The following LOC400499 variants were observed in gnomAD, a reference collection of about 807,000 sequenced individuals.
the LOC400499 span, chr16:11,387,418 G>T: frequency 1.4e-6 from 1 of 737,694 alleles, no homozygotes; most frequent in Non-Finnish European, 1.9e-6. Context: ...GTGCCTTTCA[G>T]GGAGGGGCTG....
chr16:11,501,246 C>G, the LOC400499 span, among the ~76,000 whole-genome samples: 475 of 152,202 alleles, frequency 3.1e-3, 2 homozygotes, highest in African/African-American at 0.011. Flanking sequence ...CTGAAACCCA[C>G]CCAAGCAAAT....
chr16:11,391,848 C>A, the LOC400499 span: 4 of 1,230,690 alleles, frequency 3.3e-6, no homozygotes, highest in Non-Finnish European at 4.1e-6. Context: ...GTCCAGGGTG[C>A]CTGCCGGCTG....
the LOC400499 span, among the ~76,000 whole-genome samples, chr16:11,485,346 A>C: frequency 1.3e-5 from 2 of 151,800 alleles, no homozygotes; most frequent in African/African-American, 4.8e-5. Flanking sequence ...CCCTCCCTGA[A>C]CTCCCATGTC....
At chr16:11,437,596 A>C in the LOC400499 span, among the ~76,000 whole-genome samples, 30 of 152,256 alleles carry the variant, frequency 2.0e-4, 1 homozygote, top group South Asian at 6.2e-3. Flanking sequence ...AGCTGGGCAC[A>C]GCAGCTCACA....
At chr16:11,523,350 TG>T in the LOC400499 span, 1 of 398,474 alleles carries the variant, frequency 2.5e-6, no homozygotes, top group Non-Finnish European at 4.4e-6. Context: ...TCACTCCCAT[TG>T]GGCCCTGTAC....
At chr16:11,484,299 G>A in the LOC400499 span, among the ~76,000 whole-genome samples, 16 of 152,152 alleles carry the variant, frequency 1.1e-4, no homozygotes, top group African/African-American at 1.4e-4. Flanking sequence ...GAGCCACTAC[G>A]CCCGGCCGCA....
the LOC400499 span, among the ~76,000 whole-genome samples, chr16:11,406,606 AT>A: frequency 6.6e-6 from 1 of 152,136 alleles, no homozygotes; most frequent in Non-Finnish European, 1.5e-5. Flanking sequence ...CTAATTCCAT[AT>A]TTTTAGTAGA....
chr16:11,391,699 C>A, the LOC400499 span: 15 of 1,232,102 alleles, frequency 1.2e-5, no homozygotes, highest in Non-Finnish European at 1.4e-5. Context: ...TCCAGCCCCA[C>A]CTGCAGCCAC....
the LOC400499 span, chr16:11,493,567 A>T: frequency 2.5e-6 from 1 of 393,740 alleles, no homozygotes; most frequent in Non-Finnish European, 4.5e-6. Context: ...ACAACTGAAT[A>T]AGTGAATTAG....
chr16:11,398,731 C>A, the LOC400499 span, among the ~76,000 whole-genome samples: 1 of 151,784 alleles, frequency 6.6e-6, no homozygotes. Flanking sequence ...ATGATCTAGA[C>A]TCACTGCAAC....
At chr16:11,472,655 T>A in the LOC400499 span, 1 of 152,178 alleles carries the variant, frequency 6.6e-6, no homozygotes, top group Non-Finnish European at 1.5e-5. Context: ...TTCATTATTA[T>A]TATTGTTACT....
At chr16:11,422,211 G>A in the LOC400499 span, among the ~76,000 whole-genome samples, 1 of 152,322 alleles carries the variant, frequency 6.6e-6, no homozygotes, top group South Asian at 2.1e-4. Flanking sequence ...GACAAGCCTG[G>A]CCAACATGGT....
At chr16:11,425,763 C>T in the LOC400499 span, among the ~76,000 whole-genome samples, 9 of 152,244 alleles carry the variant, frequency 5.9e-5, no homozygotes, top group African/African-American at 1.2e-4. Context: ...CTGGTAAAAT[C>T]GATCAGACGT....
chr16:11,387,584 C>G, the LOC400499 span, among the ~76,000 whole-genome samples: 7 of 152,158 alleles, frequency 4.6e-5, no homozygotes, highest in Non-Finnish European at 2.9e-5. Context: ...GGGTCTTGGG[C>G]AGCATGGGCT....
chr16:11,497,647 G>A, the LOC400499 span, among the ~76,000 whole-genome samples: 1 of 152,216 alleles, frequency 6.6e-6, no homozygotes, highest in Non-Finnish European at 1.5e-5. Context: ...CACTTCCGGT[G>A]GCCCTGCCAG....
chr16:11,432,429 T>G, the LOC400499 span, among the ~76,000 whole-genome samples: 1 of 152,220 alleles, frequency 6.6e-6, no homozygotes, highest in East Asian at 1.9e-4. Flanking sequence ...GTTTTGAGAA[T>G]ATTATGAACC....
chr16:11,464,307 C>T, the LOC400499 span, among the ~76,000 whole-genome samples: 1 of 152,240 alleles, frequency 6.6e-6, no homozygotes, highest in Non-Finnish European at 1.5e-5. Context: ...CACATTCGAG[C>T]GATGGCTTTC....
the LOC400499 span, among the ~76,000 whole-genome samples, chr16:11,398,964 G>A: frequency 1.3e-5 from 2 of 152,152 alleles, no homozygotes; most frequent in Non-Finnish European, 2.9e-5. Context: ...TTTCTGCTGT[G>A]AGCACTTAGG....
At chr16:11,415,689 A>C in the LOC400499 span, among the ~76,000 whole-genome samples, 1 of 152,188 alleles carries the variant, frequency 6.6e-6, no homozygotes. Context: ...GAGCATCCCC[A>C]GGAGGTAGGG....
Sources: gnomAD v4.1 joint callset for allele counts (sites outside exome capture counted in the v4.1 genomes callset) on GRCh38, gnomAD v4.1.1 for gene constraint, MANE v1.5 for transcripts.